The following GSE1 variants were observed in gnomAD, a reference collection of about 807,000 sequenced individuals.
The protein encoded by GSE1 is Gse1 coiled-coil protein, also known as genetic suppressor element 1.
A neutral mutation model predicts 112.6 loss-of-function variants in GSE1; 32 were observed. The ratio of observed to expected loss-of-function variants is 0.28; its 90% CI spans 0.21 to 0.38. GSE1 has a LOEUF of 0.38. Ranked by LOEUF, GSE1 falls within the 10% of genes least tolerant of loss-of-function variation. The pLI, the probability that GSE1 is intolerant of heterozygous loss-of-function variation, is 1.00. For missense variants in GSE1, 2,348 were observed against 1,699.2 expected, an observed-to-expected ratio of 1.38 and a Z score of -6.71; for synonymous variants, 1,115 against 735.6, an observed-to-expected ratio of 1.52 and a Z score of -8.35.
intron 2 of GSE1, among the ~76,000 whole-genome samples, chr16:85,457,387 A>G (rs1225644977): frequency 6.6e-6 from 1 of 152,118 alleles, no homozygotes; most frequent in Non-Finnish European, 1.5e-5. Flanking sequence ...GAGTCCCAGC[A>G]TTTGCCCACT....
intron 2 of GSE1, among the ~76,000 whole-genome samples, chr16:85,458,140 G>A (rs1332319662): frequency 2.0e-5 from 3 of 152,130 alleles, no homozygotes; most frequent in Non-Finnish European, 2.9e-5. Context: ...AGCACCAGCC[G>A]GCACTGACCT....
rs768760578 is a variant in GSE1, at chr16:85,657,608, A to G, written c.1640+4A>G. 4.6e-6 allele frequency: 7 copies of G among 1,505,444 alleles called. No homozygotes were observed. The South Asian group carries it at 8.0e-5, about 17-fold the overall frequency. The allele number at this position is 1,505,444 out of a possible 1,614,324, so 93.3% of individuals were successfully genotyped here. A position where few individuals can be genotyped will look rare whatever the true frequency, so the allele number is the denominator to read the frequency against. ...ACAGGCCGGAGAGCACCACCAGGTG[A>G]GTGAGCCCCAGGAAGGAAGGAGGGA... is the stretch of plus-strand genomic sequence containing the variant. On this transcript the variant is annotated splice_donor_region_variant and intron_variant, in intron 8 of 15. Coordinates refer to ENST00000253458, the MANE Select transcript of GSE1 (RefSeq NM_014615.5).
At position 85,672,560 on chromosome 16, in the gene GSE1, C is replaced by T. The variant is rs201895814; in HGVS notation, c.*21C>T. The T allele has an allele frequency of 3.5e-4, 549 of 1,553,278 alleles. No homozygotes were observed. The highest frequency in any genetic ancestry group is 3.7e-4 in the Non-Finnish European group (420 of 1,133,900). ...GGTGACGGTTTCCCTTGCACTAGGC[C>T]GAACCTATAGTATAGAAATATTATC... On this transcript the variant is annotated 3_prime_UTR_variant, in exon 16 of 16. Coordinates refer to ENST00000253458, the MANE Select transcript of GSE1 (RefSeq NM_014615.5).
chr16:85,661,061 C>A, intron 8 of GSE1, 85 bp from the exon 9 acceptor site: 1 of 1,352,206 alleles, frequency 7.4e-7, no homozygotes, highest in Non-Finnish European at 1.0e-6. Context: ...TCTGTGTCAT[C>A]TTAGGAGCGG....
chr16:85,250,032 G>A (rs1355696667), intron 1 of GSE1, among the ~76,000 whole-genome samples: 4 of 152,248 alleles, frequency 2.6e-5, no homozygotes, highest in Non-Finnish European at 5.9e-5. Context: ...TGAGGGCAAG[G>A]TTTGTGGAGC....
intron 1 of GSE1, among the ~76,000 whole-genome samples, chr16:85,601,000 ACC>A (rs772074075): frequency 9.1e-4 from 135 of 147,994 alleles, no homozygotes; most frequent in Middle Eastern, 3.4e-3. Context: ...GTCGGCTTCC[ACC>A]AGTGGGGGGG....
At chr16:85,331,453 A>ATATATG (rs2046352432) in intron 1 of GSE1, among the ~76,000 whole-genome samples, 13 of 143,466 alleles carry the variant, frequency 9.1e-5, no homozygotes, top group South Asian at 2.1e-4. Context: ...GTATATATGT[A>ATATATG]TATATATGTG....
At chr16:85,670,792 A>G (rs2053266110) in intron 14 of GSE1, 1 of 403,452 alleles carries the variant, frequency 2.5e-6, no homozygotes, top group African/African-American at 2.1e-5. Context: ...ATTCCTGTGT[A>G]TTGGGCTTAA....
intron 1 of GSE1, among the ~76,000 whole-genome samples, chr16:85,250,762 A>G (rs920003344): frequency 1.3e-5 from 2 of 152,174 alleles, no homozygotes; most frequent in African/African-American, 4.8e-5. Flanking sequence ...CATCACCACT[A>G]TCTAATTCTA....
chr16:85,311,905 T>G lies in GSE1; in HGVS notation c.2284-45558T>G, dbSNP rs1597367380. 6.6e-6 allele frequency among the ~76,000 whole-genome samples: 1 copy of G among 152,154 alleles called. No homozygotes were observed. The highest frequency in any genetic ancestry group is 1.9e-4 in the East Asian group (1 of 5,178). ...TCATGAGGGTTGTGAAGTCCCTGCC[T>G]TCCCGGGTTCCCTCCGCCGGCCCAG... On this transcript the variant is annotated intron_variant, in intron 1 of 2. Coordinates refer to the GSE1 transcript ENST00000637419. This position sits in a 1 kb window ranked among gnomAD's most constrained non-coding sequence, Gnocchi z 4.2.
intron 11 of GSE1, chr16:85,664,527 T>C (rs960993773): frequency 6.6e-6 from 1 of 152,536 alleles, no homozygotes; most frequent in Non-Finnish European, 1.5e-5. Context: ...CCCTTGAGTT[T>C]CACAGTCAAG....
intron 2 of GSE1, among the ~76,000 whole-genome samples, chr16:85,642,958 C>T (rs572244367): frequency 2.0e-5 from 3 of 152,150 alleles, no homozygotes; most frequent in East Asian, 1.9e-4. Context: ...GGTCCTGTGG[C>T]GTGGCCCCCA....
At chr16:85,272,777 C>CTTTT (rs1204820536) in intron 1 of GSE1, among the ~76,000 whole-genome samples, 1 of 131,426 alleles carries the variant, frequency 7.6e-6, no homozygotes, top group Non-Finnish European at 1.6e-5. Context: ...CTTCTCTTTT[C>CTTTT]TTTTTTTTTT....
chr16:85,514,006 T>C (rs942297708), intron 2 of GSE1, among the ~76,000 whole-genome samples: 1 of 152,112 alleles, frequency 6.6e-6, no homozygotes, highest in African/African-American at 2.4e-5. Flanking sequence ...CTGGAATCCC[T>C]GGGGCCTCCT....
intron 2 of GSE1, among the ~76,000 whole-genome samples, chr16:85,452,013 G>A (rs1254781199): frequency 6.6e-6 from 1 of 151,656 alleles, no homozygotes; most frequent in Non-Finnish European, 1.5e-5. Flanking sequence ...TCCATGTGCT[G>A]TAAGCAAGAA....
chr16:85,182,338 G>A (rs1056348344), intron 1 of GSE1, among the ~76,000 whole-genome samples: 1 of 152,216 alleles, frequency 6.6e-6, no homozygotes, highest in Non-Finnish European at 1.5e-5. Flanking sequence ...AACCAGGCAG[G>A]CTCCAGAGGA....
chr16:85,426,439 TGGAA>T (rs142082206), intron 2 of GSE1, among the ~76,000 whole-genome samples: 64,577 of 108,532 alleles, frequency 0.6, 20,101 homozygotes, highest in Non-Finnish European at 0.71. Flanking sequence ...AATGGGTGGG[TGGAA>T]GGAAGGAAGG....
At chr16:85,223,084 G>GAGTCAAGGCTGCC (rs2075421594) in intron 1 of GSE1, among the ~76,000 whole-genome samples, 9 of 152,182 alleles carry the variant, frequency 5.9e-5, no homozygotes, top group Admixed American at 5.9e-4. Flanking sequence ...GGGGCCGGCG[G>GAGTCAAGGCTGCC]AGTCAAGGCT....
intron 1 of GSE1, among the ~76,000 whole-genome samples, chr16:85,292,803 C>G (rs1442621596): frequency 2.6e-5 from 4 of 152,216 alleles, no homozygotes; most frequent in Non-Finnish European, 5.9e-5. Context: ...GCATTTCACA[C>G]ATTCACGACA....
Sources: gnomAD v4.1 joint callset for allele counts (sites outside exome capture counted in the v4.1 genomes callset) on GRCh38, gnomAD v4.1.1 for gene constraint, Gnocchi (gnomAD v3.1) non-coding constraint, MANE v1.5 for transcripts, NCBI Gene and HGNC (gene_info 2026-07-23, HGNC 2026-07-21) for gene names.